The following PML variants were observed in gnomAD, a reference collection of about 807,000 sequenced individuals.
The protein encoded by PML is PML nuclear body scaffold.
Under a neutral mutation model 65.2 loss-of-function variants are expected in PML, and 28 were observed. The observed-to-expected ratio is 0.43, with a 90% CI of 0.32 to 0.59. The LOEUF (loss-of-function observed/expected upper bound fraction) is 0.59. Among genes scored for constraint, PML ranks in the 20% least tolerant of loss-of-function variants. The probability of loss-of-function intolerance (pLI) is 0.08; values close to 1 mark genes in which losing one functional copy is unlikely to be tolerated. For synonymous variants in PML, 500 were observed against 508.8 expected (o/e 0.98, Z 0.23); for missense variants, 1,021 against 1,203.4 (o/e 0.85, Z 2.24).
chr15:74,035,907 C>G lies in PML; in HGVS notation c.1710+1377C>G, dbSNP rs1377238602. On this transcript the variant is annotated intron_variant, in intron 7 of 8. Transcript: ENST00000268058. This position sits in a 1 kb window ranked among gnomAD's most constrained non-coding sequence, Gnocchi z 4.1. The stretch of plus-strand genomic sequence containing the variant: ...CCCACCACCCTGTGCCCCAGAAAGG[C>G]CCCCCATCAGCCCAGTCCCAGGCGC... 6.2e-7 allele frequency: 1 copy of G among 1,613,732 alleles called. No homozygotes were observed. Among genetic ancestry groups the G allele is most frequent in the South Asian group, 1.1e-5 (1 of 91,082 alleles).
rs142009914 is a variant in PML, at chr15:74,033,173, G to A, written c.1416G>A (p.Thr472=). ...CTATGCAGGATGTCTCCAATACAAC[G>A]ACAGCCCAGAAGAGGAAGTGCAGCC... ...PSYGEDVSNT[T]TAQKRKCSQT... Residue 472 remains threonine, a synonymous_variant, in exon 6 of 9, where the codon ACG becomes ACA. Transcript: ENST00000268058. The A allele has an allele frequency of 7.9e-5, 128 of 1,613,980 alleles. No individual in the cohort carries two copies. The highest frequency in any genetic ancestry group is 5.5e-4 in the South Asian group (50 of 91,068).
At chr15:74,002,512 C>T (rs1202520676) in intron 2 of PML, among the ~76,000 whole-genome samples, 2 of 137,100 alleles carry the variant, frequency 1.5e-5, no homozygotes, top group Admixed American at 8.1e-5. Context: ...GGCATGATCT[C>T]GGCTCACTGC....
rs754660578 is a variant in PML, at chr15:74,042,994, C to T, written c.1716C>T (p.Ser572=). The T allele has an allele frequency of 2.5e-6, 4 of 1,613,520 alleles. No individual in the cohort carries two copies. The highest frequency in any genetic ancestry group is 1.1e-5 in the South Asian group (1 of 91,038). ...TTGGTTTTTCTGTGTTGCAGTCCTC[C>T]CGAGAGCTGGATGACAGCAGCAGTG... is the stretch of plus-strand genomic sequence containing the variant. ...SEDSDAENSS[S]RELDDSSSES... Residue 572 remains serine, a synonymous_variant, in exon 8 of 9, where the codon TCC becomes TCT. Coordinates refer to ENST00000268058, the MANE Select transcript of PML (RefSeq NM_033238.3). This position sits in a 1 kb window ranked among gnomAD's most constrained non-coding sequence, Gnocchi z 5.3.
chr15:74,017,421 C>T (rs1184964785), intron 2 of PML, among the ~76,000 whole-genome samples: 2 of 151,972 alleles, frequency 1.3e-5, no homozygotes, highest in South Asian at 2.1e-4. Flanking sequence ...CAGGGGCTGG[C>T]GGATCACCTG....
chr15:74,000,083 G>A (rs927902939), intron 2 of PML, among the ~76,000 whole-genome samples: 1 of 151,784 alleles, frequency 6.6e-6, no homozygotes, highest in East Asian at 1.9e-4. Flanking sequence ...CACCTGCCTC[G>A]GCCTCCCAAA....
chr15:74,002,444 CTTTTTTT>C (rs71137368), intron 2 of PML, among the ~76,000 whole-genome samples: 1 of 104,762 alleles, frequency 9.5e-6, no homozygotes, highest in South Asian at 3.1e-4. Context: ...TCTTTCTTTT[CTTTTTTT>C]TTTTTTTTTT....
At position 74,033,146 on chromosome 15, in the gene PML, C is replaced by T. The variant is rs2071396085; in HGVS notation, c.1399-10C>T. The T allele has an allele frequency of 6.2e-7, 1 of 1,613,956 alleles. No individual in the cohort carries two copies. Reference sequence around the variant, plus strand: ...GCACCTGACCTGGCTCTGTGACTCCCTCTATGCAGGATGTCTCCAATACAA... The same window carrying T: ...GCACCTGACCTGGCTCTGTGACTCCTTCTATGCAGGATGTCTCCAATACAA... On this transcript the variant is annotated splice_polypyrimidine_tract_variant and intron_variant, in intron 5 of 8. Coordinates refer to ENST00000268058, the MANE Select transcript of PML (RefSeq NM_033238.3).
chr15:74,023,549 T>C (rs2070940648), intron 3 of PML, 141 bp downstream of exon 3: 3 of 730,092 alleles, frequency 4.1e-6, no homozygotes, highest in Non-Finnish European at 7.0e-6. Context: ...AGGTCTTAGG[T>C]TCCAGGGCAC....
At chr15:74,040,561 C>T (rs117194627) in intron 7 of PML, among the ~76,000 whole-genome samples, 429 of 152,334 alleles carry the variant, frequency 2.8e-3, no homozygotes, top group South Asian at 5.0e-3. Context: ...TGTCTGATGG[C>T]CCTGCTGGCA....
At position 73,998,466 on chromosome 15, in the gene PML, A is replaced by C. The variant is rs1320170444; in HGVS notation, c.592A>C (p.Thr198Pro). The stretch of plus-strand genomic sequence containing the variant: ...CTCCAACCCCAACCACCGCACCCCT[A>C]CGCTGACCAGGTGAGTAGGCCGGCA... ...FCSNPNHRTP[T>P]LTSIYCRGCS... Residue 198 changes from threonine (T) to proline (P), a missense_variant, in exon 2 of 9, where the codon ACG becomes CCG. Thr to Pro is a conservative substitution (Grantham distance 38, BLOSUM62 -1). Coordinates refer to ENST00000268058, the MANE Select transcript of PML (RefSeq NM_033238.3). 6.2e-6 allele frequency: 10 copies of C among 1,613,700 alleles called. No homozygotes were observed. The highest frequency in any genetic ancestry group is 8.5e-6 in the Non-Finnish European group (10 of 1,179,890).
At position 74,043,859 on chromosome 15, in the gene PML, G is replaced by A; in HGVS notation, c.1862-362G>A. Reference sequence around the variant, plus strand: ...GAGGGGATTGGAGGAAGGAGCATGGGATGGAGAGCTAAGTTCAAGCAGCCT... The same window carrying A: ...GAGGGGATTGGAGGAAGGAGCATGGAATGGAGAGCTAAGTTCAAGCAGCCT... On this transcript the variant is annotated intron_variant, in intron 8 of 8. Coordinates refer to ENST00000268058, the MANE Select transcript of PML (RefSeq NM_033238.3). This position sits in a 1 kb window ranked among gnomAD's most constrained non-coding sequence, Gnocchi z 4.3. The A allele has an allele frequency of 7.7e-6, 4 of 521,010 alleles. No individual in the cohort carries two copies. The highest frequency in any genetic ancestry group is 1.5e-5 in the Non-Finnish European group (4 of 271,270). 32.3% of individuals were successfully genotyped at this position (521,010 alleles called of 1,614,324 possible). A position where few individuals can be genotyped will look rare whatever the true frequency, so the allele number is the denominator to read the frequency against.
At chr15:74,006,043 T>C (rs2070030103) in intron 2 of PML, among the ~76,000 whole-genome samples, 1 of 152,138 alleles carries the variant, frequency 6.6e-6, no homozygotes, top group African/African-American at 2.4e-5. Flanking sequence ...TCTGTACCCA[T>C]TTTAGATGTC....
At chr15:74,034,404 A>T in intron 6 of PML, 74 bp from the exon 7 acceptor site, 1 of 1,609,026 alleles carries the variant, frequency 6.2e-7, no homozygotes, top group Non-Finnish European at 8.5e-7. Context: ...AAGGATTCCC[A>T]TAGGTGCACA....
At chr15:74,024,446 T>G (rs1484351630) in intron 3 of PML, among the ~76,000 whole-genome samples, 1 of 152,226 alleles carries the variant, frequency 6.6e-6, no homozygotes, top group Non-Finnish European at 1.5e-5. Flanking sequence ...TATTTTATTC[T>G]GAAGCATAAG....
intron 2 of PML, among the ~76,000 whole-genome samples, 164 bp from the exon 3 acceptor site, chr15:74,022,664 G>T (rs1002140903): frequency 6.6e-5 from 10 of 152,190 alleles, no homozygotes; most frequent in Non-Finnish European, 1.0e-4. Flanking sequence ...TGGTAGTTTG[G>T]ATACTATCAC....
At chr15:73,996,265 G>C (rs2069501482) in intron 1 of PML, among the ~76,000 whole-genome samples, 1 of 152,098 alleles carries the variant, frequency 6.6e-6, no homozygotes, top group African/African-American at 2.4e-5. Context: ...CACCCTTCTA[G>C]TTTCCTTGGC....
chr15:74,025,061 A>C lies in PML; in HGVS notation c.1254+134A>C, dbSNP rs1030779049. On this transcript the variant is annotated intron_variant, in intron 4 of 8. Coordinates refer to ENST00000268058, the MANE Select transcript of PML (RefSeq NM_033238.3). Reference sequence around the variant, plus strand: ...AGCAAGTGGCTGGACTGGAAATTTCAGTGAGAGGAAGTAAAGGAAGACATT... The same window carrying C: ...AGCAAGTGGCTGGACTGGAAATTTCCGTGAGAGGAAGTAAAGGAAGACATT... 15 of 694,226 alleles carry C rather than the reference A, an allele frequency of 2.2e-5. No homozygotes were observed. In the African/African-American group the frequency reaches 2.6e-4, roughly 12 times the overall value. 43.0% of individuals were successfully genotyped at this position (694,226 alleles called of 1,614,324 possible). A position where few individuals can be genotyped will look rare whatever the true frequency, so the allele number is the denominator to read the frequency against.
In PML at chr15:74,037,423, ATC is replaced by A. The variant is rs1339684630; in HGVS notation, c.1710+2899_1710+2900del. 1.2e-5 allele frequency: 12 copies of A among 984,868 alleles called. No homozygotes were observed. In the Admixed American group the frequency reaches 3.7e-4, roughly 30 times the overall value. The allele number at this position is 984,868 out of a possible 1,614,324, so 61.0% of individuals were successfully genotyped here. On this transcript the variant is annotated intron_variant, in intron 7 of 8. Transcript: ENST00000268058. The surrounding 1 kb of genome is among the most constrained non-coding windows in gnomAD (Gnocchi z 4.2). The stretch of plus-strand genomic sequence containing the variant: ...CCTGGGAGCCTCACTCCTCCTCCTC[ATC>A]TCTCTTGCATCTTCTAATGTATCCA...
chr15:74,017,027 G>T (rs1211540082), intron 2 of PML, among the ~76,000 whole-genome samples: 1 of 151,488 alleles, frequency 6.6e-6, no homozygotes, highest in Non-Finnish European at 1.5e-5. Flanking sequence ...TCGATCTCCT[G>T]ACCTCGTGAT....
Sources: allele counts gnomAD v4.1 joint callset (sites outside exome capture counted in the v4.1 genomes callset), GRCh38; gene constraint gnomAD v4.1.1; non-coding constraint Gnocchi (gnomAD v3.1); transcripts MANE v1.5; gene names NCBI Gene and HGNC (gene_info 2026-07-23, HGNC 2026-07-21).